STK24: variants seen among roughly 807,000 people sequenced by gnomAD.
STK24 encodes serine/threonine kinase 24, also known as serine/threonine-protein kinase 24.
Under a neutral mutation model 55.6 loss-of-function variants are expected in STK24, and 21 were observed. The observed-to-expected ratio is 0.38, with a 90% CI of 0.27 to 0.54. STK24 has a LOEUF of 0.54. STK24 is among the 20% of genes least tolerant of loss of function. The pLI is 0.79. For missense variants in STK24, 383 were observed against 538.4 expected, an observed-to-expected ratio of 0.71 and a Z score of 2.86; for synonymous variants, 200 against 215.2, an observed-to-expected ratio of 0.93 and a Z score of 0.62.
At chr13:98,568,798 G>A (rs1453651164) in intron 1 of STK24, among the ~76,000 whole-genome samples, 2 of 152,272 alleles carry the variant, frequency 1.3e-5, no homozygotes, top group Non-Finnish European at 2.9e-5. Flanking sequence ...AACCTGGGGG[G>A]GCAGATGTTG....
chr13:98,451,417 A>C lies in STK24; in HGVS notation c.*1756T>G, dbSNP rs1893187131. The C allele has an allele frequency of 6.6e-6, 1 of 152,200 alleles. No homozygotes were observed. Among genetic ancestry groups the C allele is most frequent in the Non-Finnish European group, 1.5e-5 (1 of 68,048 alleles). The allele number at this position is 152,200 out of a possible 1,614,324, so 9.4% of individuals were successfully genotyped here. On this transcript the variant is annotated 3_prime_UTR_variant, in exon 11 of 11. Transcript: ENST00000539966. Reference sequence around the variant, plus strand: ...AGTAATGAGTACAATAAGAATTAGCAACTCAGTTCTATTTCCCCAACCAAA... The same window carrying C: ...AGTAATGAGTACAATAAGAATTAGCCACTCAGTTCTATTTCCCCAACCAAA...
intron 2 of STK24, among the ~76,000 whole-genome samples, chr13:98,500,437 A>C (rs1895409415): frequency 6.6e-6 from 1 of 152,166 alleles, no homozygotes; most frequent in Non-Finnish European, 1.5e-5. Context: ...TCCCACAATT[A>C]AATACTGTCA....
intron 1 of STK24, among the ~76,000 whole-genome samples, chr13:98,533,580 T>C (rs1470166757): frequency 6.9e-6 from 1 of 144,710 alleles, no homozygotes; most frequent in African/African-American, 2.6e-5. Flanking sequence ...AGCCCAGGAG[T>C]TTGAGGCTGC....
At chr13:98,481,402 G>A (rs1462572527) in intron 3 of STK24, among the ~76,000 whole-genome samples, 1 of 152,162 alleles carries the variant, frequency 6.6e-6, no homozygotes, top group Non-Finnish European at 1.5e-5. Flanking sequence ...GTTCAGAGGA[G>A]ACATCTGGTG....
At position 98,446,509 on chromosome 13, in the gene STK24, G is replaced by A. The variant is rs1399311302; in HGVS notation, c.*6664C>T. On this transcript the variant is annotated 3_prime_UTR_variant, in exon 11 of 11. Transcript: ENST00000539966. ...CGGGACTTGCCACCCGGGCCATCACGTACAGGCAAACACTGGCTGCCATGG... is the reference window on the plus strand; with the variant it reads ...CGGGACTTGCCACCCGGGCCATCACATACAGGCAAACACTGGCTGCCATGG... The A allele has an allele frequency of 7.1e-5, 52 of 731,004 alleles. No individual in the cohort carries two copies. Among genetic ancestry groups the A allele is most frequent in the South Asian group, 4.1e-4 (23 of 56,428 alleles). 45.3% of individuals were successfully genotyped at this position (731,004 alleles called of 1,614,324 possible). A position where few individuals can be genotyped will look rare whatever the true frequency, so the allele number is the denominator to read the frequency against.
chr13:98,553,276 T>C (rs540542134), intron 1 of STK24: 1 of 152,314 alleles, frequency 6.6e-6, no homozygotes, highest in Admixed American at 6.5e-5. Context: ...GAGGGGCCAA[T>C]GTCATCACAT....
At chr13:98,457,128 G>A in intron 10 of STK24, 40 bp downstream of exon 10, 1 of 1,596,350 alleles carries the variant, frequency 6.3e-7, no homozygotes, top group Non-Finnish European at 8.5e-7. Context: ...CCAAGTGCAG[G>A]TCTCTCCTTC....
chr13:98,552,319 G>A (rs761822682), intron 1 of STK24, among the ~76,000 whole-genome samples: 19 of 152,228 alleles, frequency 1.2e-4, no homozygotes, highest in Non-Finnish European at 2.6e-4. Flanking sequence ...GACCCTGGAC[G>A]CTGGGTACCA....
chr13:98,480,911 G>A (rs1894556495), intron 3 of STK24, among the ~76,000 whole-genome samples: 1 of 152,182 alleles, frequency 6.6e-6, no homozygotes, highest in Non-Finnish European at 1.5e-5. Context: ...CTCTCAAAGG[G>A]GTTTCCTTTC....
intron 1 of STK24, among the ~76,000 whole-genome samples, chr13:98,552,937 G>A (rs1011782538): frequency 6.6e-6 from 1 of 152,148 alleles, no homozygotes; most frequent in African/African-American, 2.4e-5. Flanking sequence ...ACCACCAAGA[G>A]TGAGCTCCAC....
chr13:98,540,829 G>C (rs1383051544), intron 1 of STK24, among the ~76,000 whole-genome samples: 2 of 136,160 alleles, frequency 1.5e-5, no homozygotes, highest in Non-Finnish European at 3.1e-5. Context: ...AGCCCACCAA[G>C]AGTTTTGCCT....
chr13:98,502,368 C>G (rs1895504749), intron 2 of STK24, among the ~76,000 whole-genome samples: 1 of 152,098 alleles, frequency 6.6e-6, no homozygotes, highest in Non-Finnish European at 1.5e-5. Context: ...GGTCTTAAAG[C>G]CCTAGAAACA....
rs376766968 is a variant in STK24, at chr13:98,448,323, G to A, written c.*4850C>T. The A allele has an allele frequency of 1.2e-5, 20 of 1,605,096 alleles. No individual in the cohort carries two copies. Among genetic ancestry groups the A allele is most frequent in the Middle Eastern group, 1.6e-4 (1 of 6,068 alleles). On this transcript the variant is annotated 3_prime_UTR_variant, in exon 11 of 11. Transcript: ENST00000539966. ...AAGAGTCTCTTGTGTATTGATGGCC[G>A]GACACACTCGTTTCCGCAGTGGCTG...
chr13:98,463,949 C>G, intron 6 of STK24, 113 bp from the exon 7 acceptor site: 1 of 1,231,814 alleles, frequency 8.1e-7, no homozygotes, highest in East Asian at 2.4e-5. Flanking sequence ...GATGGCTGGA[C>G]TCTCTACTCC....
At chr13:98,555,847 A>AT (rs796411447) in intron 1 of STK24, among the ~76,000 whole-genome samples, 28 of 150,580 alleles carry the variant, frequency 1.9e-4, no homozygotes, top group African/African-American at 6.3e-4. Context: ...CACCCGGTTA[A>AT]TTTTTTTTGT....
Position 98,503,969 on chromosome 13 carries a change from G to A in STK24, c.273+15274C>T, listed in dbSNP as rs554932761. Among the ~76,000 whole-genome samples the A allele has an allele frequency of 5.3e-5, 8 of 152,220 alleles. No homozygotes were observed. In the South Asian group the frequency reaches 1.0e-3, roughly 20 times the overall value. The stretch of plus-strand genomic sequence containing the variant: ...ATCTGCCTCCACCTCCTACACCTGC[G>A]ATGGCCAAACACTCTCTCCTCATTA... On this transcript the variant is annotated intron_variant, in intron 2 of 10. Transcript: ENST00000539966.
At position 98,446,172 on chromosome 13, in the gene STK24, A is replaced by C. The variant is rs759775212; in HGVS notation, c.*7001T>G. 1 of 1,613,818 alleles carries C rather than the reference A, an allele frequency of 6.2e-7. No individual in the cohort carries two copies. The highest frequency in any genetic ancestry group is 8.5e-7 in the Non-Finnish European group (1 of 1,179,712). On this transcript the variant is annotated 3_prime_UTR_variant, in exon 11 of 11. Coordinates refer to ENST00000539966, the MANE Select transcript of STK24 (RefSeq NM_001032296.4). ...GGCAGAAGCTGTGGGTGGTGTTCAC[A>C]AACTTCTGCCTGTTCTTCTACAAAT...
rs1893195927 is a variant in STK24 at position 98,451,611 on chromosome 13, C to T, written c.*1562G>A. The T allele has an allele frequency of 6.6e-6, 1 of 152,230 alleles. No individual in the cohort carries two copies. Among genetic ancestry groups the T allele is most frequent in the Non-Finnish European group, 1.5e-5 (1 of 68,070 alleles). The allele number at this position is 152,230 out of a possible 1,614,324, so 9.4% of individuals were successfully genotyped here. On this transcript the variant is annotated 3_prime_UTR_variant, in exon 11 of 11. Transcript: ENST00000539966. ...CCCTATAGCTTAGAGGCCACTAGAC[C>T]AGCAGATAGCTGAGCTACATCCCCA...
chr13:98,472,791 T>C (rs1169296132), intron 5 of STK24, among the ~76,000 whole-genome samples: 1 of 152,246 alleles, frequency 6.6e-6, no homozygotes, highest in African/African-American at 2.4e-5. Flanking sequence ...TTCTTGACCT[T>C]GGGTAAGTTT....
Sources: gnomAD v4.1 joint callset for allele counts (sites outside exome capture counted in the v4.1 genomes callset) on GRCh38, gnomAD v4.1.1 for gene constraint, MANE v1.5 for transcripts, NCBI Gene and HGNC (gene_info 2026-07-23, HGNC 2026-07-21) for gene names.